MSI2: variants seen among roughly 807,000 people sequenced by gnomAD.
The protein encoded by MSI2 is musashi RNA binding protein 2.
A neutral mutation model predicts 45.6 loss-of-function variants in MSI2; 17 were observed. The observed-to-expected ratio is 0.37, with a 90% CI of 0.26 to 0.56. The LOEUF (loss-of-function observed/expected upper bound fraction) is 0.56. Ranked by LOEUF, MSI2 falls within the 20% of genes least tolerant of loss-of-function variation. The pLI is 0.77. For synonymous variants in MSI2, 156 were observed against 158.2 expected (o/e 0.99, Z 0.11); for missense variants, 293 against 444.2 (o/e 0.66, Z 3.06).
intron 6 of MSI2, among the ~76,000 whole-genome samples, chr17:57,497,096 C>T (rs1164785767): frequency 6.6e-6 from 1 of 152,190 alleles, no homozygotes; most frequent in Non-Finnish European, 1.5e-5. Context: ...TCCTGCCTCG[C>T]CTCCCAAGTA....
intron 10 of MSI2, among the ~76,000 whole-genome samples, chr17:57,640,907 C>T (rs1313418235): frequency 6.6e-6 from 1 of 152,206 alleles, no homozygotes; most frequent in Non-Finnish European, 1.5e-5. Context: ...AAACCAAGCT[C>T]TTCCATTTTA....
chr17:57,507,179 G>C (rs1443254175), intron 6 of MSI2, among the ~76,000 whole-genome samples: 1 of 149,420 alleles, frequency 6.7e-6, no homozygotes, highest in Non-Finnish European at 1.5e-5. Flanking sequence ...GTGTGTTGGG[G>C]GGGGGGGGTG....
intron 5 of MSI2, among the ~76,000 whole-genome samples, chr17:57,332,792 A>C (rs111573956): frequency 0.029 from 4,425 of 152,280 alleles, 224 homozygotes; most frequent in African/African-American, 0.1. Flanking sequence ...TTGGGAGGCC[A>C]AGGCGGGTGG....
At chr17:57,474,437 A>G (rs910417758) in intron 6 of MSI2, among the ~76,000 whole-genome samples, 4 of 152,236 alleles carry the variant, frequency 2.6e-5, no homozygotes, top group South Asian at 2.1e-4. Context: ...TGGGGGCCAG[A>G]TGATTCTTTG....
chr17:57,477,182 G>A (rs981712540), intron 6 of MSI2, among the ~76,000 whole-genome samples: 5 of 149,716 alleles, frequency 3.3e-5, no homozygotes, highest in African/African-American at 1.2e-4. Flanking sequence ...GTGTGTGTGT[G>A]TGTGTGTGTG....
intron 7 of MSI2, among the ~76,000 whole-genome samples, chr17:57,566,731 C>T (rs923129460): frequency 1.3e-5 from 2 of 152,160 alleles, no homozygotes; most frequent in Admixed American, 6.5e-5. Context: ...AAGAACTCAA[C>T]GAAGCTGGGC....
chr17:57,286,749 A>T (rs185953269), intron 5 of MSI2, among the ~76,000 whole-genome samples: 1 of 152,044 alleles, frequency 6.6e-6, no homozygotes, highest in Non-Finnish European at 1.5e-5. Context: ...CCTAAGGCAA[A>T]ATGACCTTCC....
intron 11 of MSI2, among the ~76,000 whole-genome samples, chr17:57,660,353 C>T (rs954891884): frequency 6.6e-6 from 1 of 152,142 alleles, no homozygotes; most frequent in Non-Finnish European, 1.5e-5. Flanking sequence ...GGATCCACCC[C>T]CTCTAAACCG....
downstream of MSI2, among the ~76,000 whole-genome samples, chr17:57,688,633 G>T (rs1316142076): frequency 6.6e-6 from 1 of 152,228 alleles, no homozygotes; most frequent in East Asian, 1.9e-4. Flanking sequence ...ATATGTATGT[G>T]TGTGTATAAA....
chr17:57,665,915 C>T (rs759453886), intron 11 of MSI2, among the ~76,000 whole-genome samples: 3 of 152,138 alleles, frequency 2.0e-5, no homozygotes, highest in Admixed American at 6.6e-5. Context: ...TGGGCTGTGG[C>T]GTAGTGGAGG....
downstream of MSI2, among the ~76,000 whole-genome samples, chr17:57,689,179 CT>C (rs555266949): frequency 1.6e-5 from 2 of 122,824 alleles, no homozygotes; most frequent in African/African-American, 7.2e-5. Flanking sequence ...TGGGTTTTCT[CT>C]TTTTTTTTAA....
chr17:57,272,988 A>G (rs1908508773), intron 5 of MSI2, among the ~76,000 whole-genome samples: 1 of 152,216 alleles, frequency 6.6e-6, no homozygotes, highest in Non-Finnish European at 1.5e-5. Flanking sequence ...AGAGGCAAAC[A>G]AGCAAAAAAT....
chr17:57,473,563 G>A (rs1372305633), intron 6 of MSI2, among the ~76,000 whole-genome samples: 2 of 152,170 alleles, frequency 1.3e-5, no homozygotes, highest in Admixed American at 6.5e-5. Context: ...CTACCAAATT[G>A]GACAGAGAAA....
chr17:57,262,126 C>T (rs780206273), intron 4 of MSI2, 25 bp from the exon 5 acceptor site: 22 of 1,613,064 alleles, frequency 1.4e-5, no homozygotes, highest in Non-Finnish European at 1.7e-5. Context: ...TTTATTGACT[C>T]CTGCTTTTCT....
chr17:57,293,087 A>G (rs1260033161), intron 5 of MSI2, among the ~76,000 whole-genome samples: 1 of 151,924 alleles, frequency 6.6e-6, no homozygotes, highest in Admixed American at 6.5e-5. Context: ...CATTTGAAGA[A>G]TTTACTGCAT....
intron 7 of MSI2, among the ~76,000 whole-genome samples, chr17:57,572,530 C>T (rs2087905007): frequency 2.0e-5 from 3 of 152,236 alleles, no homozygotes; most frequent in Non-Finnish European, 4.4e-5. Flanking sequence ...TCAAGATATT[C>T]TGTGTCTGCT....
chr17:57,543,431 G>A (rs561835122), intron 7 of MSI2, among the ~76,000 whole-genome samples: 1 of 152,212 alleles, frequency 6.6e-6, no homozygotes, highest in East Asian at 1.9e-4. Flanking sequence ...AGGCTGGGGG[G>A]ACGGCACGCT....
the MSI2 span, among the ~76,000 whole-genome samples, chr17:57,699,514 G>A: frequency 2.0e-5 from 3 of 151,248 alleles, no homozygotes; most frequent in East Asian, 2.0e-4. Context: ...ATACTTCCAC[G>A]TGCTAAGCCT....
chr17:57,439,559 CT>C (rs758957801), intron 6 of MSI2, among the ~76,000 whole-genome samples: 6,769 of 137,142 alleles, frequency 0.049, 317 homozygotes, highest in African/African-American at 0.13. Context: ...TAGGCTTTGT[CT>C]TTTTTTTTTT....
Sources: gnomAD v4.1 joint callset for allele counts (sites outside exome capture counted in the v4.1 genomes callset) on GRCh38, gnomAD v4.1.1 for gene constraint, MANE v1.5 for transcripts, NCBI Gene and HGNC (gene_info 2026-07-23, HGNC 2026-07-21) for gene names.